Variants in MAML3 observed in about 807,000 individuals in gnomAD.
MAML3 encodes mastermind like transcriptional coactivator 3.
Under a neutral mutation model 101.9 loss-of-function variants are expected in MAML3, and 27 were observed. The observed-to-expected ratio is 0.27, with a 90% CI of 0.20 to 0.37. The LOEUF (loss-of-function observed/expected upper bound fraction) is 0.37. Ranked by LOEUF, MAML3 falls within the 10% of genes least tolerant of loss-of-function variation. The pLI is 1.00. For missense variants in MAML3, 1,316 were observed against 1,444.9 expected (o/e 0.91, Z 1.45); for synonymous variants, 501 against 555.9 (o/e 0.90, Z 1.39).
intron 1 of MAML3, among the ~76,000 whole-genome samples, chr4:140,123,395 G>A (rs1399593922): frequency 6.6e-6 from 1 of 152,108 alleles, no homozygotes; most frequent in African/African-American, 2.4e-5. Context: ...TGTCACTACT[G>A]AATAGTATAA....
intron 1 of MAML3, among the ~76,000 whole-genome samples, chr4:140,106,901 G>A (rs1182033314): frequency 3.3e-5 from 5 of 152,118 alleles, no homozygotes; most frequent in Admixed American, 2.0e-4. Flanking sequence ...ATGGAGTTTC[G>A]CTCTTGTCGC....
At chr4:139,740,351 T>G (rs1294199054) in intron 2 of MAML3, 1 of 152,228 alleles carries the variant, frequency 6.6e-6, no homozygotes. Context: ...CTGGGAAACC[T>G]GCACCACTGA....
chr4:139,829,421 T>C (rs1731124044), intron 2 of MAML3, among the ~76,000 whole-genome samples: 1 of 152,116 alleles, frequency 6.6e-6, no homozygotes, highest in Admixed American at 6.5e-5. Context: ...ATGAAGAGCC[T>C]GTGTTTGAGG....
chr4:139,818,996 C>T (rs1306820419), intron 2 of MAML3, among the ~76,000 whole-genome samples: 1 of 152,158 alleles, frequency 6.6e-6, no homozygotes, highest in Non-Finnish European at 1.5e-5. Flanking sequence ...TGTATGAACT[C>T]ATTTGGCTGG....
chr4:139,861,235 G>A (rs889799497), intron 2 of MAML3, among the ~76,000 whole-genome samples: 1 of 151,914 alleles, frequency 6.6e-6, no homozygotes, highest in African/African-American at 2.4e-5. Flanking sequence ...CTTTCTCCCT[G>A]TTTTCTCTTT....
intron 2 of MAML3, among the ~76,000 whole-genome samples, chr4:139,872,718 A>T (rs1463370400): frequency 6.6e-6 from 1 of 152,164 alleles, no homozygotes; most frequent in East Asian, 1.9e-4. Context: ...TGAAAAGGTG[A>T]TGGAAAGAAT....
chr4:139,859,515 C>T (rs988413612), intron 2 of MAML3, among the ~76,000 whole-genome samples: 17 of 152,158 alleles, frequency 1.1e-4, no homozygotes, highest in African/African-American at 4.1e-4. Flanking sequence ...CCAAGTTCTA[C>T]TATATTTTAT....
chr4:140,136,363 C>T (rs953326676), intron 1 of MAML3, among the ~76,000 whole-genome samples: 2 of 152,082 alleles, frequency 1.3e-5, no homozygotes, highest in African/African-American at 4.8e-5. Context: ...TAGATACATC[C>T]CTTCCCCTCC....
intron 1 of MAML3, among the ~76,000 whole-genome samples, chr4:140,114,318 G>C (rs1728484524): frequency 6.6e-6 from 1 of 152,174 alleles, no homozygotes; most frequent in South Asian, 2.1e-4. Flanking sequence ...GCTGTTCCTT[G>C]AATTTCCTGC....
At chr4:139,908,984 G>A (rs574352085) in intron 1 of MAML3, among the ~76,000 whole-genome samples, 5 of 152,148 alleles carry the variant, frequency 3.3e-5, no homozygotes, top group Non-Finnish European at 5.9e-5. Context: ...TGCGAAGTAC[G>A]CCCTGAATCA....
chr4:139,762,102 C>T (rs537557096), intron 2 of MAML3, among the ~76,000 whole-genome samples: 2 of 152,260 alleles, frequency 1.3e-5, no homozygotes, highest in Admixed American at 6.5e-5. Flanking sequence ...GACTCTTGTT[C>T]GAGCTGCAGA....
chr4:139,806,493 G>C (rs1730702096), intron 2 of MAML3, among the ~76,000 whole-genome samples: 1 of 152,122 alleles, frequency 6.6e-6, no homozygotes, highest in Non-Finnish European at 1.5e-5. Flanking sequence ...TGGTAAGGGA[G>C]CTCATTCAGT....
chr4:139,899,344 A>T, intron 1 of MAML3, among the ~76,000 whole-genome samples: 1 of 152,214 alleles, frequency 6.6e-6, no homozygotes, highest in East Asian at 1.9e-4. Context: ...GAGGATTCTG[A>T]ATTCTGCAGA....
chr4:139,863,831 G>GGTTTTTTTTTTT (rs1731834763), intron 2 of MAML3, among the ~76,000 whole-genome samples: 1 of 50,758 alleles, frequency 2.0e-5, no homozygotes, highest in East Asian at 8.3e-4. Context: ...CCAGAACATG[G>GGTTTTTTTTTTT]GTTTTTTTTT....
At chr4:140,114,307 T>C (rs1412305686) in intron 1 of MAML3, among the ~76,000 whole-genome samples, 1 of 152,222 alleles carries the variant, frequency 6.6e-6, no homozygotes, top group African/African-American at 2.4e-5. Flanking sequence ...CCTGTATCTG[T>C]GCTGTTCCTT....
rs138230428 is a variant in MAML3 at position 139,995,541 on chromosome 4, T to A, written c.469-104574A>T. On this transcript the variant is annotated intron_variant, in intron 1 of 4. Coordinates refer to ENST00000509479, the MANE Select transcript of MAML3 (RefSeq NM_018717.5). ...ACTTATTATAGTTCTATCCTTTCTA[T>A]TTCTTCCTGAGTCAGTTTTGGTGAT... is the stretch of plus-strand genomic sequence containing the variant. Among the ~76,000 whole-genome samples the A allele has an allele frequency of 6.6e-3, 998 of 152,326 alleles. 12 individuals are homozygous for A. Among genetic ancestry groups the A allele is most frequent in the African/African-American group, 0.023 (951 of 41,574 alleles).
chr4:139,952,366 G>A (rs1311507384), intron 1 of MAML3, among the ~76,000 whole-genome samples: 1 of 150,132 alleles, frequency 6.7e-6, no homozygotes, highest in Non-Finnish European at 1.5e-5. Context: ...GATATGCAGT[G>A]GGGCAGTTCT....
chr4:139,874,070 T>G (rs1732063818), intron 2 of MAML3, among the ~76,000 whole-genome samples: 1 of 152,212 alleles, frequency 6.6e-6, no homozygotes, highest in Non-Finnish European at 1.5e-5. Context: ...GGATCAGATG[T>G]TATAAAATGT....
chr4:140,016,490 G>T (rs1452167284), intron 1 of MAML3, among the ~76,000 whole-genome samples: 1 of 152,054 alleles, frequency 6.6e-6, no homozygotes, highest in Non-Finnish European at 1.5e-5. Context: ...TTGAAAAAAA[G>T]AATAAAGTAG....
Sources: gnomAD v4.1 joint callset for allele counts (sites outside exome capture counted in the v4.1 genomes callset) on GRCh38, gnomAD v4.1.1 for gene constraint, MANE v1.5 for transcripts, NCBI Gene and HGNC (gene_info 2026-07-23, HGNC 2026-07-21) for gene names.